Variants in FBLN2 observed in about 807,000 individuals in gnomAD.
The protein encoded by FBLN2 is fibulin-2.
In FBLN2, 81 loss-of-function variants were observed where a neutral mutation model predicts 123.7. That is an observed-to-expected ratio of 0.65 (90% confidence interval 0.55 to 0.79). FBLN2 has a LOEUF of 0.79. Among genes scored for constraint, FBLN2 ranks in the 30% least tolerant of loss-of-function variants. FBLN2 has a pLI of 0.00. For missense variants in FBLN2, 1,603 were observed against 1,681.3 expected (o/e 0.95, Z 0.81); for synonymous variants, 699 against 701.4 (o/e 1.00, Z 0.05).
chr3:13,609,688 G>GGGGGGGGGGGGGGGCCCC, intron 4 of FBLN2, 46 bp downstream of exon 4: 1 of 512,604 alleles, frequency 2.0e-6, no homozygotes, highest in Non-Finnish European at 3.6e-6. Flanking sequence ...GTGGGGCGGG[G>GGGGGGGGGGGGGGGCCCC]CGGGAGGCTG....
intron 16 of FBLN2, among the ~76,000 whole-genome samples, chr3:13,635,855 A>G (rs1706444668): frequency 1.3e-5 from 2 of 152,174 alleles, no homozygotes; most frequent in Non-Finnish European, 1.5e-5. Flanking sequence ...ACATGCAGCC[A>G]TACCAAACAG....
At chr3:13,555,647 A>G (rs971379596) in intron 1 of FBLN2, among the ~76,000 whole-genome samples, 27 of 151,702 alleles carry the variant, frequency 1.8e-4, no homozygotes, top group Middle Eastern at 3.4e-3. Context: ...GTAGAGACGG[A>G]GTTTCACCGT....
chr3:13,624,574 G>T (rs903444757), intron 9 of FBLN2, among the ~76,000 whole-genome samples: 2 of 152,154 alleles, frequency 1.3e-5, no homozygotes, highest in African/African-American at 4.8e-5. Flanking sequence ...AGTTTGGGAG[G>T]GTCTCTTTCC....
intron 16 of FBLN2, among the ~76,000 whole-genome samples, chr3:13,635,642 A>G (rs561248440): frequency 1.3e-5 from 2 of 152,120 alleles, no homozygotes; most frequent in East Asian, 1.9e-4. Context: ...TCTGTTGCTC[A>G]TGGGGGACAT....
intron 4 of FBLN2, among the ~76,000 whole-genome samples, chr3:13,613,542 A>G (rs1425896441): frequency 6.6e-6 from 1 of 152,164 alleles, no homozygotes; most frequent in Non-Finnish European, 1.5e-5. Flanking sequence ...GCCATCACAT[A>G]TGTGCTCCAA....
chr3:13,620,394 C>T (rs1705809247), intron 8 of FBLN2, among the ~76,000 whole-genome samples: 2 of 152,162 alleles, frequency 1.3e-5, no homozygotes, highest in South Asian at 4.2e-4. Flanking sequence ...GAAGTGTCCC[C>T]GATGGGGAGT....
At chr3:13,573,913 AAAAG>A (rs1349091385) in intron 2 of FBLN2, among the ~76,000 whole-genome samples, 10 of 151,602 alleles carry the variant, frequency 6.6e-5, no homozygotes, top group Admixed American at 2.6e-4. Flanking sequence ...AAAAAAAAAA[AAAAG>A]GGAACCACTG....
intron 4 of FBLN2, among the ~76,000 whole-genome samples, chr3:13,612,313 TTC>T (rs918335590): frequency 5.5e-5 from 8 of 145,244 alleles, no homozygotes; most frequent in Non-Finnish European, 1.0e-4. Flanking sequence ...CTTTCTTTCT[TTC>T]TTTCTTTCTT....
Position 13,564,868 on chromosome 3 carries a change from A to G in FBLN2, c.-41-5447A>G, listed in dbSNP as rs115584480. On this transcript the variant is annotated intron_variant, in intron 1 of 17. Coordinates refer to ENST00000404922, the MANE Select transcript of FBLN2 (RefSeq NM_001004019.2). ...GGAGGCAGTGTTGCTTTACTATAGG[A>G]TGCGTGTTTGTTTTTGTGGTAGGTT... 4.8e-3 allele frequency among the ~76,000 whole-genome samples: 734 copies of G among 152,262 alleles called. 3 individuals carry two copies. The highest frequency in any genetic ancestry group is 0.017 in the African/African-American group (686 of 41,552).
chr3:13,629,118 G>A, intron 12 of FBLN2, 46 bp from the exon 13 acceptor site: 2 of 1,612,806 alleles, frequency 1.2e-6, no homozygotes, highest in Non-Finnish European at 1.7e-6. Context: ...GGAGGTGTGT[G>A]TGGAGGGAGC....
chr3:13,565,106 C>T (rs1271029647), intron 1 of FBLN2, among the ~76,000 whole-genome samples: 1 of 152,200 alleles, frequency 6.6e-6, no homozygotes, highest in African/African-American at 2.4e-5. Context: ...CTGGACACTC[C>T]CTGGGGAGAC....
chr3:13,563,640 A>G (rs4684959), intron 1 of FBLN2, among the ~76,000 whole-genome samples: 89,289 of 152,116 alleles, frequency 0.59, 27,024 homozygotes, highest in East Asian at 0.78. Flanking sequence ...AGCCCCGTCT[A>G]AGACAGTGCG....
chr3:13,570,582 G>C lies in FBLN2; in HGVS notation c.227G>C (p.Gly76Ala), dbSNP rs770357619. 13 of 1,583,946 alleles carry C rather than the reference G, an allele frequency of 8.2e-6. No individual in the cohort carries two copies. The highest frequency in any genetic ancestry group is 7.7e-6 in the Non-Finnish European group (9 of 1,166,334). The change falls in exon 2 of 18, where the codon GGT (glycine) becomes GCT (alanine). Residue 76 changes from glycine (G) to alanine (A), a missense_variant. By Grantham distance (60) the Gly-to-Ala change is moderately conservative. Transcript: ENST00000404922. ...EGYQYYDCLQGGFVRGRVPAG... is the reference protein window; with the variant it reads ...EGYQYYDCLQAGFVRGRVPAG... ...TACCAGTACTATGACTGCCTACAGG[G>C]TGGCTTCGTGCGCGGCCGCGTGCCC...
intron 1 of FBLN2, among the ~76,000 whole-genome samples, chr3:13,551,428 A>T (rs2125028774): frequency 6.6e-6 from 1 of 152,308 alleles, no homozygotes; most frequent in East Asian, 1.9e-4. Flanking sequence ...TTTTCTTCCC[A>T]GATCCCGACA....
chr3:13,623,728 TA>T (rs1481094098), intron 9 of FBLN2, among the ~76,000 whole-genome samples: 2 of 152,212 alleles, frequency 1.3e-5, no homozygotes, highest in Non-Finnish European at 2.9e-5. Context: ...TTTTTAATCA[TA>T]AGACCTTAAA....
At chr3:13,620,292 C>T (rs964567108) in intron 8 of FBLN2, among the ~76,000 whole-genome samples, 8 of 152,270 alleles carry the variant, frequency 5.3e-5, no homozygotes, top group Middle Eastern at 3.4e-3. Context: ...ACTCACCTTG[C>T]CCTTGAGGGT....
intron 16 of FBLN2, among the ~76,000 whole-genome samples, chr3:13,631,830 G>A (rs1274663224): frequency 6.6e-6 from 1 of 152,198 alleles, no homozygotes; most frequent in Non-Finnish European, 1.5e-5. Context: ...TGTTATGCAG[G>A]GACAAGGGGA....
At chr3:13,637,536 G>A (rs1706519290) in intron 17 of FBLN2, 26 bp from the exon 18 acceptor site, 1 of 1,566,450 alleles carries the variant, frequency 6.4e-7, no homozygotes, top group African/African-American at 1.3e-5. Context: ...GCGAGCTGTG[G>A]GTGACCCGGC....
intron 14 of FBLN2, 143 bp from the exon 15 acceptor site, chr3:13,630,556 C>T: frequency 1.6e-6 from 1 of 629,018 alleles, no homozygotes. Flanking sequence ...AGTCACCAGG[C>T]CTGGCAGGAG....
Sources: allele counts gnomAD v4.1 joint callset (sites outside exome capture counted in the v4.1 genomes callset), GRCh38; gene constraint gnomAD v4.1.1; transcripts MANE v1.5; gene names NCBI Gene and HGNC (gene_info 2026-07-23, HGNC 2026-07-21).